The following MAGI3 variants were observed in gnomAD, a reference collection of about 807,000 sequenced individuals.
The protein encoded by MAGI3 is membrane associated guanylate kinase, WW and PDZ domain containing 3, also known as membrane-associated guanylate kinase, WW and PDZ domain-containing protein 3.
Under a neutral mutation model 121.8 loss-of-function variants are expected in MAGI3, and 43 were observed. That is an observed-to-expected ratio of 0.35 (90% CI 0.28 to 0.46). The LOEUF (loss-of-function observed/expected upper bound fraction) is 0.46, where lower values mean the gene tolerates loss of function less well. Among genes scored for constraint, MAGI3 ranks in the 20% least tolerant of loss-of-function variants. The pLI is 1.00. For missense variants in MAGI3, 1,547 were observed against 1,797.3 expected (o/e 0.86, Z 2.52); for synonymous variants, 553 against 639.3 (o/e 0.86, Z 2.04).
chr1:113,613,643 G>T (rs1472201577), intron 6 of MAGI3, among the ~76,000 whole-genome samples: 1 of 152,076 alleles, frequency 6.6e-6, no homozygotes, highest in African/African-American at 2.4e-5. Flanking sequence ...ATTCTTAAGA[G>T]AAATTGAAAA....
intron 1 of MAGI3, among the ~76,000 whole-genome samples, chr1:113,489,760 T>C (rs1409880180): frequency 6.6e-6 from 1 of 151,880 alleles, no homozygotes; most frequent in East Asian, 1.9e-4. Context: ...CAACCATTAA[T>C]AGCAGAATAG....
intron 2 of MAGI3, among the ~76,000 whole-genome samples, chr1:113,552,839 G>A (rs1295667529): frequency 2.6e-5 from 4 of 152,106 alleles, no homozygotes; most frequent in African/African-American, 9.7e-5. Context: ...CATACTGAAG[G>A]GTCACATGTG....
At chr1:113,519,707 T>C (rs1174000722) in intron 1 of MAGI3, among the ~76,000 whole-genome samples, 1 of 152,200 alleles carries the variant, frequency 6.6e-6, no homozygotes, top group Non-Finnish European at 1.5e-5. Context: ...ACAACACATA[T>C]GAAATGTCAT....
At chr1:113,682,519 A>G (rs1648283015) in intron 20 of MAGI3, 1 of 1,287,170 alleles carries the variant, frequency 7.8e-7, no homozygotes, top group African/African-American at 1.5e-5. Context: ...ATTTTGCCAT[A>G]TCCTAAACTG....
chr1:113,464,855 T>C (rs1655199524), intron 1 of MAGI3, among the ~76,000 whole-genome samples: 1 of 151,684 alleles, frequency 6.6e-6, no homozygotes, highest in East Asian at 1.9e-4. Flanking sequence ...CTTTGGCTTT[T>C]TGCTGTTGTG....
chr1:113,654,041 G>T (rs2100988443), intron 15 of MAGI3, 23 bp downstream of exon 15: 1 of 1,578,264 alleles, frequency 6.3e-7, no homozygotes, highest in Admixed American at 1.8e-5. Flanking sequence ...GTATCTTATT[G>T]TCTCTCCCTG....
intron 1 of MAGI3, among the ~76,000 whole-genome samples, chr1:113,399,297 T>C (rs1360870024): frequency 6.6e-6 from 1 of 152,222 alleles, no homozygotes; most frequent in South Asian, 2.1e-4. Flanking sequence ...TGAAGTGCCA[T>C]GATTGGTCAG....
intron 11 of MAGI3, among the ~76,000 whole-genome samples, 183 bp from the exon 12 acceptor site, chr1:113,646,303 T>A (rs78792283): frequency 1.3e-5 from 2 of 152,210 alleles, no homozygotes; most frequent in African/African-American, 4.8e-5. Context: ...AAGTTAAATA[T>A]GTTTCAACCA....
chr1:113,445,673 G>A (rs1654143287), intron 1 of MAGI3, among the ~76,000 whole-genome samples: 2 of 152,130 alleles, frequency 1.3e-5, no homozygotes, highest in South Asian at 2.1e-4. Context: ...TCACATACCA[G>A]GGATCCTTAA....
At chr1:113,562,219 C>T (rs1660268433) in intron 2 of MAGI3, among the ~76,000 whole-genome samples, 1 of 152,288 alleles carries the variant, frequency 6.6e-6, no homozygotes, top group South Asian at 2.1e-4. Flanking sequence ...TCCTGGCTAA[C>T]ACGGTGAAAC....
At chr1:113,602,743 T>C (rs552263428) in intron 6 of MAGI3, among the ~76,000 whole-genome samples, 1 of 152,216 alleles carries the variant, frequency 6.6e-6, no homozygotes, top group African/African-American at 2.4e-5. Flanking sequence ...CTAAGCAACA[T>C]GGTGAAACCC....
intron 15 of MAGI3, among the ~76,000 whole-genome samples, chr1:113,654,712 A>ATATT (rs1407042007): frequency 2.0e-5 from 3 of 152,064 alleles, no homozygotes; most frequent in African/African-American, 7.2e-5. Context: ...AGCAAATGAA[A>ATATT]TATTTGTCTT....
Position 113,619,739 on chromosome 1 carries a change from C to T in MAGI3, c.1080C>T (p.His360=). The T allele has an allele frequency of 1.2e-6, 2 of 1,609,412 alleles. No individual in the cohort carries two copies. Among genetic ancestry groups the T allele is most frequent in the Non-Finnish European group, 1.7e-6 (2 of 1,176,038 alleles). The change falls in exon 8 of 21, where the codon CAC becomes CAT. Residue 360 remains histidine (H), a synonymous_variant. Transcript: ENST00000307546. The part of the protein sequence containing the change: ...DPQYGTYYVD[H]LNQKTQFENP... ...TATATTTTTCTGCATTCTACAGTCA[C>T]CTTAACCAGAAAACCCAGTTTGAAA...
At chr1:113,681,462 T>C (rs1648212346) in intron 20 of MAGI3, 126 bp downstream of exon 20, 1 of 1,028,982 alleles carries the variant, frequency 9.7e-7, no homozygotes, top group Non-Finnish European at 1.4e-6. Context: ...GCTAGAACCA[T>C]GAAAAGCTAG....
At chr1:113,401,859 C>T (rs186816037) in intron 1 of MAGI3, among the ~76,000 whole-genome samples, 2 of 152,238 alleles carry the variant, frequency 1.3e-5, no homozygotes, top group East Asian at 3.9e-4. Flanking sequence ...TTCTAGACTT[C>T]GAGTATTGCA....
At chr1:113,458,584 C>G (rs149773932) in intron 1 of MAGI3, among the ~76,000 whole-genome samples, 3,546 of 152,282 alleles carry the variant, frequency 0.023, 131 homozygotes, top group African/African-American at 0.081. Context: ...GATCATAGCT[C>G]CCTGCAGCCT....
intron 2 of MAGI3, among the ~76,000 whole-genome samples, chr1:113,578,068 T>C (rs1647765448): frequency 2.0e-5 from 3 of 152,148 alleles, no homozygotes; most frequent in Admixed American, 6.6e-5. Flanking sequence ...GCTATAATCA[T>C]TGACAGCTCA....
Position 113,651,014 on chromosome 1 carries a change from A to G in MAGI3, c.2248A>G (p.Ile750Val), listed in dbSNP as rs1653128639. 1 of 1,613,264 alleles carries G rather than the reference A, an allele frequency of 6.2e-7. No homozygotes were observed. The highest frequency in any genetic ancestry group is 1.1e-5 in the South Asian group (1 of 90,918). Residue 750 changes from isoleucine to valine, a missense_variant and splice_region_variant, in exon 14 of 21, where the codon ATA (isoleucine) becomes GTA (valine). Transcript: ENST00000307546. ...AAACTGTACTTTGTTATCTTATCAG[A>G]TATATATTGGGGCTATTATTCCCCT... ...VLGGDGPDQS[I>V]YIGAIIPLGA...
chr1:113,655,029 A>G (rs1359899053), intron 15 of MAGI3, among the ~76,000 whole-genome samples: 3 of 152,224 alleles, frequency 2.0e-5, no homozygotes, highest in Non-Finnish European at 4.4e-5. Context: ...AGTTATTGCT[A>G]TAGTATTAGG....
Sources: gnomAD v4.1 joint callset for allele counts (sites outside exome capture counted in the v4.1 genomes callset) on GRCh38, gnomAD v4.1.1 for gene constraint, MANE v1.5 for transcripts, NCBI Gene and HGNC (gene_info 2026-07-23, HGNC 2026-07-21) for gene names.